NTM: variants seen among roughly 807,000 people sequenced by gnomAD.
NTM encodes neurotrimin.
A neutral mutation model predicts 42.1 loss-of-function variants in NTM; 13 were observed. The ratio of observed to expected loss-of-function variants is 0.31; its 90% CI spans 0.20 to 0.49. The LOEUF (loss-of-function observed/expected upper bound fraction) is 0.49. Ranked by LOEUF, NTM falls within the 20% of genes least tolerant of loss-of-function variation. NTM has a pLI of 0.99. For synonymous variants in NTM, 187 were observed against 179.2 expected, an observed-to-expected ratio of 1.04 and a Z score of -0.35; for missense variants, 373 against 452.8, an observed-to-expected ratio of 0.82 and a Z score of 1.60.
intron 1 of NTM, among the ~76,000 whole-genome samples, chr11:131,508,151 A>C (rs2047732011): frequency 6.8e-6 from 1 of 146,552 alleles, no homozygotes; most frequent in South Asian, 2.2e-4. Flanking sequence ...CAAAGGGCTA[A>C]TATCCAGAAT....
chr11:132,208,812 A>AT (rs2082379962), intron 3 of NTM, among the ~76,000 whole-genome samples: 1 of 152,154 alleles, frequency 6.6e-6, no homozygotes, highest in African/African-American at 2.4e-5. Context: ...AAAGTCCATC[A>AT]TTTTTTATTT....
intron 1 of NTM, among the ~76,000 whole-genome samples, chr11:131,503,229 T>A (rs1401546623): frequency 6.6e-6 from 1 of 151,992 alleles, no homozygotes; most frequent in African/African-American, 2.4e-5. Context: ...GGGGAAGGTG[T>A]GGAGGACTAT....
chr11:132,314,254 C>T (rs938654448), intron 6 of NTM, among the ~76,000 whole-genome samples: 46 of 152,158 alleles, frequency 3.0e-4, no homozygotes, highest in Non-Finnish European at 5.0e-4. Flanking sequence ...ACACAGCTGG[C>T]AGGGGTTATT....
chr11:132,004,293 T>C (rs1229077136), intron 2 of NTM, among the ~76,000 whole-genome samples: 3 of 152,208 alleles, frequency 2.0e-5, no homozygotes, highest in African/African-American at 7.2e-5. Context: ...TTTGAATTGC[T>C]TTAAATCCAC....
At chr11:131,731,720 A>G (rs1368524283) in intron 1 of NTM, among the ~76,000 whole-genome samples, 3 of 152,210 alleles carry the variant, frequency 2.0e-5, no homozygotes, top group East Asian at 1.9e-4. Context: ...AAGTTCAACT[A>G]TAGTGGGCAA....
intron 1 of NTM, among the ~76,000 whole-genome samples, chr11:131,608,827 T>C (rs1426206373): frequency 6.6e-6 from 1 of 152,210 alleles, no homozygotes; most frequent in Non-Finnish European, 1.5e-5. Flanking sequence ...TTATTAAAGA[T>C]AAGATATCTT....
At chr11:132,000,232 C>A (rs1301158113) in intron 2 of NTM, among the ~76,000 whole-genome samples, 2 of 152,202 alleles carry the variant, frequency 1.3e-5, no homozygotes, top group Admixed American at 6.5e-5. Context: ...GCTGAGCTTA[C>A]TGCCCTGTTC....
At chr11:131,952,943 T>TA in intron 2 of NTM, among the ~76,000 whole-genome samples, 1 of 152,324 alleles carries the variant, frequency 6.6e-6, no homozygotes, top group Middle Eastern at 3.4e-3. Context: ...TTGCTGTTGT[T>TA]ATTCTGATCT....
chr11:132,175,916 A>AT lies in NTM; in HGVS notation c.400+29410dup, dbSNP rs549325716. On this transcript the variant is annotated intron_variant, in intron 3 of 8. Transcript: ENST00000683400. The stretch of plus-strand genomic sequence containing the variant: ...GTATCATGGCTGCAACATTCTTTAC[A>AT]TTTTTTTTGTAATTCTCCATCTTAT... Among the ~76,000 whole-genome samples, 64 of 151,776 alleles carry AT rather than the reference A, an allele frequency of 4.2e-4. No homozygotes were observed. In the South Asian group the frequency reaches 5.2e-3, roughly 12 times the overall value.
intron 1 of NTM, among the ~76,000 whole-genome samples, chr11:131,424,014 T>A (rs529775150): frequency 2.6e-5 from 4 of 152,180 alleles, no homozygotes; most frequent in Non-Finnish European, 5.9e-5. Context: ...CCTGTGTGTT[T>A]AACTTCCACT....
At chr11:131,466,284 G>A (rs1951880835) in intron 1 of NTM, among the ~76,000 whole-genome samples, 1 of 152,208 alleles carries the variant, frequency 6.6e-6, no homozygotes, top group South Asian at 2.1e-4. Flanking sequence ...TACAAATGCA[G>A]CCCAGATTTA....
intron 1 of NTM, among the ~76,000 whole-genome samples, chr11:131,624,416 C>CT (rs2062895484): frequency 6.6e-6 from 1 of 152,046 alleles, no homozygotes; most frequent in Non-Finnish European, 1.5e-5. Flanking sequence ...ACAGAGCAGT[C>CT]CTAAATATTA....
chr11:131,929,507 G>GT (rs34433748), intron 2 of NTM, among the ~76,000 whole-genome samples: 35,258 of 150,618 alleles, frequency 0.23, 4,513 homozygotes, highest in East Asian at 0.51. Context: ...AAAACTTTCC[G>GT]TTTTTTTTGT....
Position 131,869,994 on chromosome 11 carries a change from C to T in NTM, c.83-41570C>T, listed in dbSNP as rs112667909. Among the ~76,000 whole-genome samples the T allele has an allele frequency of 6.2e-4, 95 of 152,260 alleles. 2 individuals are homozygous for T. Among genetic ancestry groups the T allele is most frequent in the Non-Finnish European group, 9.0e-4 (61 of 68,028 alleles). ...TCACACCTCAGCTGTACAGAGCAGA[C>T]GCTAATTTTACAAGATGGAAAACAG... On this transcript the variant is annotated intron_variant, in intron 1 of 8. Transcript: ENST00000683400.
intron 3 of NTM, among the ~76,000 whole-genome samples, chr11:132,148,046 G>A (rs1175452085): frequency 6.6e-6 from 1 of 152,156 alleles, no homozygotes; most frequent in Non-Finnish European, 1.5e-5. Flanking sequence ...GGGGACATGG[G>A]AATCCTTGAT....
Position 132,146,234 on chromosome 11 carries a change from G to A in NTM, c.168-48G>A, listed in dbSNP as rs967880958. Reference sequence around the variant, plus strand: ...CCATGAGGACCTCCCTCTGATGGCTGCTGTCGTCTCTCAGTCCCTTGACGT... The same window carrying A: ...CCATGAGGACCTCCCTCTGATGGCTACTGTCGTCTCTCAGTCCCTTGACGT... On this transcript the variant is annotated intron_variant, in intron 2 of 8. Transcript: ENST00000683400. This position sits in a 1 kb window ranked among gnomAD's most constrained non-coding sequence, Gnocchi z 4.5. 1.2e-6 allele frequency: 2 copies of A among 1,603,704 alleles called. No homozygotes were observed. The highest frequency in any genetic ancestry group is 1.3e-5 in the African/African-American group (1 of 74,772).
intron 7 of NTM, among the ~76,000 whole-genome samples, chr11:132,318,435 A>T (rs941906304): frequency 2.0e-5 from 3 of 152,180 alleles, no homozygotes; most frequent in Non-Finnish European, 4.4e-5. Context: ...TCAGTGGAAC[A>T]TCATAGGGGG....
At chr11:132,255,180 CA>C (rs1210109921) in intron 4 of NTM, among the ~76,000 whole-genome samples, 2 of 152,210 alleles carry the variant, frequency 1.3e-5, no homozygotes, top group African/African-American at 4.8e-5. Flanking sequence ...TGAGCCTGAA[CA>C]TTTTTTTTAT....
chr11:131,397,634 A>G (rs1279321201), intron 1 of NTM, among the ~76,000 whole-genome samples: 5 of 152,202 alleles, frequency 3.3e-5, no homozygotes, highest in African/African-American at 1.2e-4. Flanking sequence ...AGTTATAACT[A>G]GTGACCTCTG....
Sources: gnomAD v4.1 joint callset for allele counts (sites outside exome capture counted in the v4.1 genomes callset) on GRCh38, gnomAD v4.1.1 for gene constraint, Gnocchi (gnomAD v3.1) non-coding constraint, MANE v1.5 for transcripts, NCBI Gene and HGNC (gene_info 2026-07-23, HGNC 2026-07-21) for gene names.